The following CADPS2 variants were observed in gnomAD, a reference collection of about 807,000 sequenced individuals.
The protein encoded by CADPS2 is calcium dependent secretion activator 2.
In CADPS2, 93 loss-of-function variants were observed where a neutral mutation model predicts 172.5. That is an observed-to-expected ratio of 0.54 (90% confidence interval 0.46 to 0.64). The LOEUF (loss-of-function observed/expected upper bound fraction) is 0.64, where lower values mean the gene tolerates loss of function less well. Ranked by LOEUF, CADPS2 falls within the 30% of genes least tolerant of loss-of-function variation. The pLI is 0.00. For synonymous variants in CADPS2, 546 were observed against 555.2 expected (o/e 0.98, Z 0.23); for missense variants, 1,420 against 1,565.9 (o/e 0.91, Z 1.57).
At chr7:122,642,599 A>AT (rs2077793648) in intron 3 of CADPS2, among the ~76,000 whole-genome samples, 1 of 151,704 alleles carries the variant, frequency 6.6e-6, no homozygotes, top group Non-Finnish European at 1.5e-5. Flanking sequence ...AGTACTTTAA[A>AT]AACTATGAAC....
intron 3 of CADPS2, among the ~76,000 whole-genome samples, chr7:122,662,329 CT>C (rs2080667518): frequency 6.7e-6 from 1 of 148,708 alleles, no homozygotes; most frequent in Admixed American, 6.7e-5. Context: ...ATCATTGGGT[CT>C]AAAAAATGAA....
At chr7:122,664,699 T>C (rs2080992468) in intron 2 of CADPS2, among the ~76,000 whole-genome samples, 1 of 152,232 alleles carries the variant, frequency 6.6e-6, no homozygotes, top group Non-Finnish European at 1.5e-5. Context: ...CAAAAGACTC[T>C]CCCAGAAAAG....
chr7:122,379,101 C>T (rs2151345535), intron 25 of CADPS2: 1 of 313,658 alleles, frequency 3.2e-6, no homozygotes, highest in Non-Finnish European at 6.0e-6. Flanking sequence ...GAATGTGACA[C>T]AATAAGGTTT....
chr7:122,480,709 A>G (rs994821929), intron 12 of CADPS2, 143 bp downstream of exon 12: 1 of 531,462 alleles, frequency 1.9e-6, no homozygotes, highest in African/African-American at 2.0e-5. Context: ...TTGTTTTGTA[A>G]TCAATAAAGC....
intron 28 of CADPS2, among the ~76,000 whole-genome samples, chr7:122,340,964 G>A (rs2036689877): frequency 6.6e-6 from 1 of 151,620 alleles, no homozygotes; most frequent in South Asian, 2.1e-4. Flanking sequence ...ACTTCTTTCA[G>A]TTTTTCTTAC....
chr7:122,816,252 T>A (rs559144405), intron 1 of CADPS2, among the ~76,000 whole-genome samples: 1 of 97,838 alleles, frequency 1.0e-5, no homozygotes, highest in East Asian at 2.5e-4. Flanking sequence ...TCAATTTATT[T>A]TTTAGATTTT....
intron 8 of CADPS2, among the ~76,000 whole-genome samples, chr7:122,539,268 T>C (rs1332667997): frequency 1.3e-5 from 2 of 152,110 alleles, no homozygotes; most frequent in Non-Finnish European, 2.9e-5. Context: ...AAATGATGAA[T>C]TCAGCCCCCC....
chr7:122,444,031 A>G (rs944457724), intron 15 of CADPS2, among the ~76,000 whole-genome samples: 1 of 152,082 alleles, frequency 6.6e-6, no homozygotes, highest in Non-Finnish European at 1.5e-5. Flanking sequence ...AATTTTGATT[A>G]GTTTGTATGT....
intron 7 of CADPS2, among the ~76,000 whole-genome samples, chr7:122,574,939 G>C (rs1188976845): frequency 1.3e-5 from 2 of 152,056 alleles, no homozygotes; most frequent in Non-Finnish European, 2.9e-5. Context: ...CCTTAACCAA[G>C]TGATAATACT....
chr7:122,628,314 T>C (rs1207079376), intron 4 of CADPS2, among the ~76,000 whole-genome samples: 1 of 152,174 alleles, frequency 6.6e-6, no homozygotes, highest in Non-Finnish European at 1.5e-5. Flanking sequence ...GTATGGGATA[T>C]AACTTCTTGA....
intron 25 of CADPS2, among the ~76,000 whole-genome samples, chr7:122,374,336 A>G (rs2042096330): frequency 6.6e-6 from 1 of 152,166 alleles, no homozygotes; most frequent in Non-Finnish European, 1.5e-5. Flanking sequence ...AAGATACAGC[A>G]TGAGACAAGG....
chr7:122,644,095 T>TGAAG (rs71531908), intron 3 of CADPS2, among the ~76,000 whole-genome samples: 6,725 of 146,306 alleles, frequency 0.046, 223 homozygotes, highest in Non-Finnish European at 0.051. Context: ...AAGGAAGGAA[T>TGAAG]GAAGGAAGGA....
At chr7:122,710,892 T>A (rs1037275949) in intron 2 of CADPS2, among the ~76,000 whole-genome samples, 1 of 152,182 alleles carries the variant, frequency 6.6e-6, no homozygotes, top group Non-Finnish European at 1.5e-5. Context: ...ATTCATTTTT[T>A]AAAAATCCTG....
intron 27 of CADPS2, 60 bp from the exon 28 acceptor site, chr7:122,345,741 T>C: frequency 9.5e-7 from 1 of 1,054,324 alleles, no homozygotes; most frequent in East Asian, 2.4e-5. Context: ...GTGAAATTAT[T>C]ATTTAATCAT....
At chr7:122,595,918 C>G (rs2133338311) in intron 6 of CADPS2, among the ~76,000 whole-genome samples, 1 of 152,148 alleles carries the variant, frequency 6.6e-6, no homozygotes, top group South Asian at 2.1e-4. Flanking sequence ...AGTGGATACT[C>G]AAGTGCAATG....
intron 1 of CADPS2, among the ~76,000 whole-genome samples, chr7:122,845,537 G>A (rs1328087167): frequency 1.3e-5 from 2 of 152,106 alleles, no homozygotes; most frequent in Non-Finnish European, 2.9e-5. Flanking sequence ...ATGCCATATG[G>A]CATCAGTCTT....
intron 3 of CADPS2, among the ~76,000 whole-genome samples, chr7:122,656,722 TA>T: frequency 6.6e-6 from 1 of 152,188 alleles, no homozygotes; most frequent in South Asian, 2.1e-4. Flanking sequence ...GCAGAGTCCT[TA>T]GGGAAGCCCA....
Position 122,886,113 on chromosome 7 carries a change from C to T in CADPS2, c.225G>A (p.Leu75=). 1 of 1,566,964 alleles carries T rather than the reference C, an allele frequency of 6.4e-7. No homozygotes were observed. The highest frequency in any genetic ancestry group is 1.2e-5 in the South Asian group (1 of 85,166). ...SEGRDEPQRQ[L]DDEQERRIRL... ...GGATCCTCCGCTCCTGCTCATCGTC[C>T]AGCTGCCGCTGGGGCTCGTCTCGCC... Residue 75 remains leucine, a synonymous_variant, in exon 1 of 30, where the codon CTG becomes CTA. Transcript: ENST00000449022.
chr7:122,514,497 A>C (rs1232639711), intron 8 of CADPS2, among the ~76,000 whole-genome samples: 1 of 152,044 alleles, frequency 6.6e-6, no homozygotes, highest in African/African-American at 2.4e-5. Flanking sequence ...CCCCCTTTAG[A>C]AACAGTGACA....
Sources: allele counts gnomAD v4.1 joint callset (sites outside exome capture counted in the v4.1 genomes callset), GRCh38; gene constraint gnomAD v4.1.1; transcripts MANE v1.5; gene names NCBI Gene and HGNC (gene_info 2026-07-23, HGNC 2026-07-21).